Variants in GUCY1B1 observed in about 807,000 individuals in gnomAD.
The protein encoded by GUCY1B1 is guanylate cyclase soluble subunit beta-1.
GUCY1B1 carries 43 observed loss-of-function variants against 71.0 expected under a neutral mutation model. The observed-to-expected ratio is 0.61, with a 90% CI of 0.47 to 0.78. The LOEUF is 0.78. Among genes scored for constraint, GUCY1B1 ranks in the 30% least tolerant of loss-of-function variants. GUCY1B1 has a pLI of 0.00. For missense variants in GUCY1B1, 535 were observed against 754.1 expected (o/e 0.71, Z 3.40); for synonymous variants, 266 against 259.7 (o/e 1.02, Z -0.23).
intron 6 of GUCY1B1, among the ~76,000 whole-genome samples, chr4:155,794,306 C>T (rs1333584231): frequency 6.6e-6 from 1 of 151,952 alleles, no homozygotes; most frequent in African/African-American, 2.4e-5. Flanking sequence ...CATACAGAAA[C>T]AGTAGGAATG....
intron 1 of GUCY1B1, 36 bp downstream of exon 1, chr4:155,759,179 C>T (rs993075329): frequency 9.6e-6 from 15 of 1,555,526 alleles, no homozygotes; most frequent in East Asian, 2.4e-5. Context: ...CCGAACCTCA[C>T]CCCTCCTCGG....
At chr4:155,777,068 G>A (rs72974436) in intron 3 of GUCY1B1, among the ~76,000 whole-genome samples, 4,225 of 152,210 alleles carry the variant, frequency 0.028, 200 homozygotes, top group African/African-American at 0.097. Context: ...TATGTTTCAT[G>A]TACACCTTAT....
At chr4:155,799,837 T>C (rs2111160918) in intron 8 of GUCY1B1, 40 bp from the exon 9 acceptor site, 2 of 1,219,130 alleles carry the variant, frequency 1.6e-6, no homozygotes, top group South Asian at 2.7e-5. Context: ...GTCATGTATA[T>C]AAGTTGAGAC....
rs1739029020 is a variant in GUCY1B1, at chr4:155,789,701, T to G, written c.298-13T>G. 1 of 1,522,418 alleles carries G rather than the reference T, an allele frequency of 6.6e-7. No individual in the cohort carries two copies. Among genetic ancestry groups the G allele is most frequent in the South Asian group, 1.2e-5 (1 of 84,260 alleles). 94.3% of individuals were successfully genotyped at this position (1,522,418 alleles called of 1,614,324 possible). A position where few individuals can be genotyped will look rare whatever the true frequency, so the allele number is the denominator to read the frequency against. The stretch of plus-strand genomic sequence containing the variant: ...AGCATTGTTTATTGGTCTCCCTTTC[T>G]TCTTTGCTGCAGAACCTTGATGCTC... On this transcript the variant is annotated splice_polypyrimidine_tract_variant and intron_variant, in intron 4 of 13. Transcript: ENST00000264424.
At chr4:155,784,741 G>A (rs1738652898) in intron 4 of GUCY1B1, among the ~76,000 whole-genome samples, 2 of 152,116 alleles carry the variant, frequency 1.3e-5, no homozygotes. Flanking sequence ...TTCAAGGCAA[G>A]GTCTTACCCA....
At chr4:155,782,690 CTATT>C (rs1209575176) in intron 4 of GUCY1B1, among the ~76,000 whole-genome samples, 1 of 152,158 alleles carries the variant, frequency 6.6e-6, no homozygotes, top group African/African-American at 2.4e-5. Context: ...GCTTTAGTGA[CTATT>C]TAACCAATCG....
At chr4:155,765,175 A>G (rs540018256) in intron 2 of GUCY1B1, among the ~76,000 whole-genome samples, 17 of 152,298 alleles carry the variant, frequency 1.1e-4, no homozygotes, top group African/African-American at 4.1e-4. Context: ...TTTACTAAGC[A>G]TTGTTATGAT....
intron 2 of GUCY1B1, among the ~76,000 whole-genome samples, chr4:155,767,111 A>G (rs1455017256): frequency 6.6e-6 from 1 of 152,162 alleles, no homozygotes; most frequent in Non-Finnish European, 1.5e-5. Context: ...ATAAAGTTGT[A>G]ATTATCATGT....
chr4:155,801,821 A>C (rs1453820550), intron 9 of GUCY1B1, among the ~76,000 whole-genome samples: 1 of 152,174 alleles, frequency 6.6e-6, no homozygotes, highest in East Asian at 1.9e-4. Context: ...TGGTTTTATC[A>C]GTTTCTTCTA....
At chr4:155,759,579 A>T (rs770635611) in intron 1 of GUCY1B1, 23 of 537,292 alleles carry the variant, frequency 4.3e-5, no homozygotes, top group Non-Finnish European at 6.5e-5. Context: ...GGTGGGGCGG[A>T]TGGTGACGGG....
In GUCY1B1 at chr4:155,759,805, G is replaced by T. The variant is rs756138487; in HGVS notation, c.22G>T (p.Ala8Ser). 3 of 1,612,724 alleles carry T rather than the reference G, an allele frequency of 1.9e-6. No homozygotes were observed. The highest frequency in any genetic ancestry group is 2.7e-5 in the African/African-American group (2 of 74,850). MYGFVNH[A>S]LELLVIRNYG... ...CCCGCAGTACGGATTTGTGAATCAC[G>T]CCCTGGAGTTGCTGGTGATCCGCAA... is the stretch of plus-strand genomic sequence containing the variant. Residue 8 changes from alanine (A) to serine (S), a missense_variant, in exon 2 of 14, where the codon GCC (alanine) becomes TCC (serine). Transcript: ENST00000264424.
chr4:155,772,812 T>A (rs760201323), intron 2 of GUCY1B1: 8 of 701,424 alleles, frequency 1.1e-5, no homozygotes, highest in South Asian at 1.0e-4. Context: ...CAGATCTCTG[T>A]GCTTACAGAA....
At chr4:155,775,885 A>G (rs747372840) in intron 3 of GUCY1B1, among the ~76,000 whole-genome samples, 4 of 152,212 alleles carry the variant, frequency 2.6e-5, no homozygotes, top group Non-Finnish European at 4.4e-5. Flanking sequence ...ACAGTGCTTA[A>G]TTTTTAACTG....
rs150668613 is a variant in GUCY1B1 at position 155,803,216 on chromosome 4, A to C, written c.1414-408A>C. ...AGGTACACTCTAGCATGTGGTGAGC[A>C]CATCATACAAACAAATGATTAATGA... On this transcript the variant is annotated intron_variant, in intron 10 of 13. Transcript: ENST00000264424. 7.0e-4 allele frequency among the ~76,000 whole-genome samples: 106 copies of C among 152,350 alleles called. 1 individual carries two copies. In the East Asian group the frequency reaches 0.019, roughly 27 times the overall value.
chr4:155,766,650 T>A (rs1195077310), intron 2 of GUCY1B1, among the ~76,000 whole-genome samples: 3 of 152,182 alleles, frequency 2.0e-5, no homozygotes, highest in Non-Finnish European at 4.4e-5. Flanking sequence ...TGTTTTCTCA[T>A]GTCATGTGGA....
At chr4:155,796,598 T>C in intron 8 of GUCY1B1, 88 bp downstream of exon 8, 1 of 855,414 alleles carries the variant, frequency 1.2e-6, no homozygotes, top group Non-Finnish European at 1.8e-6. Flanking sequence ...CCATTAAATT[T>C]ACATATTCTC....
chr4:155,771,358 A>G (rs904367055), intron 2 of GUCY1B1, among the ~76,000 whole-genome samples: 1 of 152,214 alleles, frequency 6.6e-6, no homozygotes, highest in African/African-American at 2.4e-5. Context: ...GCATTGACCC[A>G]TGGTTAGGGG....
At chr4:155,784,857 T>G (rs1214881575) in intron 4 of GUCY1B1, among the ~76,000 whole-genome samples, 5 of 152,306 alleles carry the variant, frequency 3.3e-5, no homozygotes, top group Middle Eastern at 6.8e-3. Context: ...GAACTTATTT[T>G]TGGCATGCAT....
chr4:155,805,281 G>C, intron 13 of GUCY1B1, 52 bp downstream of exon 13: 1 of 1,404,544 alleles, frequency 7.1e-7, no homozygotes, highest in Non-Finnish European at 9.7e-7. Context: ...TATAAGTATG[G>C]AAAACTAAAG....
Sources: allele counts gnomAD v4.1 joint callset (sites outside exome capture counted in the v4.1 genomes callset), GRCh38; gene constraint gnomAD v4.1.1; transcripts MANE v1.5; gene names NCBI Gene and HGNC (gene_info 2026-07-23, HGNC 2026-07-21).